Variants in RPH3A observed in about 807,000 individuals in gnomAD.
RPH3A encodes the protein rabphilin 3A, also known as rabphilin-3A.
RPH3A carries 48 observed loss-of-function variants against 102.2 expected under a neutral mutation model. That is an observed-to-expected ratio of 0.47 (90% CI 0.37 to 0.60). RPH3A has a LOEUF of 0.60. Among genes scored for constraint, RPH3A ranks in the 20% least tolerant of loss-of-function variants. RPH3A has a pLI of 0.00. For synonymous variants in RPH3A, 310 were observed against 324.3 expected, an observed-to-expected ratio of 0.96 and a Z score of 0.47; for missense variants, 781 against 910.1, an observed-to-expected ratio of 0.86 and a Z score of 1.83.
chr12:112,802,591 G>A (rs1392336743), intron 2 of RPH3A, among the ~76,000 whole-genome samples: 2 of 152,066 alleles, frequency 1.3e-5, no homozygotes, highest in African/African-American at 4.8e-5. Context: ...AGGGGGTATG[G>A]TGCGAGCATG....
At chr12:112,742,853 T>A (rs572161024) in intron 1 of RPH3A, among the ~76,000 whole-genome samples, 99 of 152,294 alleles carry the variant, frequency 6.5e-4, no homozygotes, top group Non-Finnish European at 1.4e-3. Context: ...CAGTCCAGAA[T>A]GGGCCTCAAA....
intron 1 of RPH3A, among the ~76,000 whole-genome samples, chr12:112,646,198 A>G (rs2039928732): frequency 6.6e-6 from 1 of 152,200 alleles, no homozygotes; most frequent in Non-Finnish European, 1.5e-5. Flanking sequence ...TGGCTTAAAC[A>G]ATAAAGAAAA....
At chr12:112,621,968 G>A (rs1299860754) in intron 1 of RPH3A, among the ~76,000 whole-genome samples, 3 of 150,282 alleles carry the variant, frequency 2.0e-5, no homozygotes, top group Admixed American at 6.6e-5. Context: ...CACACGGCAG[G>A]GTATTCCAAC....
intron 1 of RPH3A, among the ~76,000 whole-genome samples, chr12:112,624,225 G>C (rs1407749478): frequency 6.9e-6 from 1 of 145,528 alleles, no homozygotes; most frequent in Non-Finnish European, 1.5e-5. Flanking sequence ...AGAACTGAAG[G>C]AAATAGAGAC....
intron 19 of RPH3A, among the ~76,000 whole-genome samples, chr12:112,891,828 G>A (rs1388836547): frequency 6.6e-6 from 1 of 152,206 alleles, no homozygotes; most frequent in Non-Finnish European, 1.5e-5. Flanking sequence ...ACTGCATCCA[G>A]GGCCTTGGTC....
At chr12:112,738,526 C>T (rs981143963) in intron 1 of RPH3A, among the ~76,000 whole-genome samples, 1 of 152,114 alleles carries the variant, frequency 6.6e-6, no homozygotes, top group African/African-American at 2.4e-5. Context: ...AGGGAGTAAG[C>T]ACTTTCTAGA....
At chr12:112,695,069 G>A (rs1227273702) in intron 1 of RPH3A, 1 of 170,384 alleles carries the variant, frequency 5.9e-6, no homozygotes, top group East Asian at 1.9e-4. Flanking sequence ...TTTCAGATAA[G>A]CAAGGAATAA....
At chr12:112,641,459 C>A (rs2039889758) in intron 1 of RPH3A, among the ~76,000 whole-genome samples, 1 of 152,168 alleles carries the variant, frequency 6.6e-6, no homozygotes, top group South Asian at 2.1e-4. Flanking sequence ...TGCAGTGGTG[C>A]ATTCTTGGCT....
intron 3 of RPH3A, chr12:112,831,637 C>T: frequency 1.1e-5 from 3 of 271,954 alleles, no homozygotes; most frequent in South Asian, 3.4e-5. Context: ...TTCTTGGGGC[C>T]ACTTTACTTC....
At chr12:112,713,964 A>G (rs1039987254) in intron 1 of RPH3A, among the ~76,000 whole-genome samples, 3 of 152,182 alleles carry the variant, frequency 2.0e-5, no homozygotes, top group African/African-American at 7.2e-5. Flanking sequence ...CAAGTTGCCT[A>G]ATCTCACGGT....
intron 2 of RPH3A, among the ~76,000 whole-genome samples, chr12:112,798,043 G>A (rs1045232668): frequency 2.6e-5 from 4 of 152,212 alleles, no homozygotes; most frequent in South Asian, 2.1e-4. Context: ...GGAAAAGAGG[G>A]AAGGCAGCAG....
At chr12:112,889,975 G>C in intron 17 of RPH3A, 49 bp from the exon 18 acceptor site, 1 of 1,562,718 alleles carries the variant, frequency 6.4e-7, no homozygotes, top group Non-Finnish European at 8.8e-7. Flanking sequence ...TGCGCAGGAA[G>C]ATGAGCTCCA....
intron 1 of RPH3A, among the ~76,000 whole-genome samples, chr12:112,674,554 T>C (rs944045247): frequency 1.3e-5 from 2 of 152,194 alleles, no homozygotes; most frequent in African/African-American, 4.8e-5. Context: ...TCTGCCACCT[T>C]ATGACTTTAT....
intron 2 of RPH3A, among the ~76,000 whole-genome samples, chr12:112,799,608 T>G (rs1394258033): frequency 6.6e-6 from 1 of 152,208 alleles, no homozygotes; most frequent in Non-Finnish European, 1.5e-5. Context: ...GGCTCCGGCA[T>G]GGACTATCTA....
chr12:112,630,525 G>A (rs1341269223), intron 1 of RPH3A, among the ~76,000 whole-genome samples: 1 of 152,180 alleles, frequency 6.6e-6, no homozygotes, highest in Non-Finnish European at 1.5e-5. Context: ...GCACCACAGT[G>A]TCTATCAATT....
chr12:112,602,868 C>A (rs1373028443), intron 1 of RPH3A, among the ~76,000 whole-genome samples: 1 of 151,958 alleles, frequency 6.6e-6, no homozygotes, highest in African/African-American at 2.4e-5. Flanking sequence ...AGGTTCATGG[C>A]TGGGGCTCCT....
intron 2 of RPH3A, among the ~76,000 whole-genome samples, chr12:112,798,646 C>G (rs2041280794): frequency 6.6e-6 from 1 of 152,120 alleles, no homozygotes; most frequent in African/African-American, 2.4e-5. Context: ...ACATCTTCCT[C>G]CCTGCCCCCT....
At chr12:112,728,818 G>A (rs2136047400) in intron 1 of RPH3A, among the ~76,000 whole-genome samples, 1 of 152,280 alleles carries the variant, frequency 6.6e-6, no homozygotes, top group Middle Eastern at 3.4e-3. Flanking sequence ...ACAGGGGAGG[G>A]GTGAGGGGGT....
At chr12:112,779,755 A>G (rs2040994202) in intron 1 of RPH3A, among the ~76,000 whole-genome samples, 1 of 152,164 alleles carries the variant, frequency 6.6e-6, no homozygotes, top group Admixed American at 6.5e-5. Context: ...GTCTACCCAG[A>G]ACCTCAGAAT....
Sources: allele counts gnomAD v4.1 joint callset (sites outside exome capture counted in the v4.1 genomes callset), GRCh38; gene constraint gnomAD v4.1.1; transcripts MANE v1.5; gene names NCBI Gene and HGNC (gene_info 2026-07-23, HGNC 2026-07-21).